The following CCNY variants were observed in gnomAD, a reference collection of about 807,000 sequenced individuals.
The protein encoded by CCNY is cyclin-Y.
CCNY carries 19 observed loss-of-function variants against 42.8 expected under a neutral mutation model. That is an observed-to-expected ratio of 0.44 (90% confidence interval 0.31 to 0.65). The LOEUF is 0.65. Among genes scored for constraint, CCNY ranks in the 30% least tolerant of loss-of-function variants. The probability of loss-of-function intolerance (pLI) is 0.07; values close to 1 mark genes in which losing one functional copy is unlikely to be tolerated. For missense variants in CCNY, 370 were observed against 437.3 expected, an observed-to-expected ratio of 0.85 and a Z score of 1.37; for synonymous variants, 165 against 162.7, an observed-to-expected ratio of 1.01 and a Z score of -0.11.
At chr10:35,540,052 C>T (rs994475499) in intron 7 of CCNY, among the ~76,000 whole-genome samples, 1 of 152,204 alleles carries the variant, frequency 6.6e-6, no homozygotes, top group Non-Finnish European at 1.5e-5. Context: ...TTATGGATGC[C>T]TTTTATTTGG....
At chr10:35,340,672 T>A (rs1836159550) in intron 1 of CCNY, among the ~76,000 whole-genome samples, 1 of 152,006 alleles carries the variant, frequency 6.6e-6, no homozygotes, top group South Asian at 2.1e-4. Context: ...GCCTGGCTAA[T>A]TTTGTATTTT....
chr10:35,263,540 TTAAAA>T (rs546536294), intron 3 of CCNY, among the ~76,000 whole-genome samples: 7 of 149,940 alleles, frequency 4.7e-5, no homozygotes, highest in Non-Finnish European at 1.0e-4. Flanking sequence ...AGACCCTGTC[TTAAAA>T]TAAAATAAAA....
intron 3 of CCNY, among the ~76,000 whole-genome samples, chr10:35,284,277 C>T (rs1173854801): frequency 6.6e-6 from 1 of 152,006 alleles, no homozygotes; most frequent in South Asian, 2.1e-4. Context: ...GGTTATGCTG[C>T]CCAGGTTTGC....
chr10:35,471,558 A>G (rs1293498915), intron 1 of CCNY, among the ~76,000 whole-genome samples: 1 of 152,218 alleles, frequency 6.6e-6, no homozygotes, highest in Non-Finnish European at 1.5e-5. Context: ...GTATAAGAGA[A>G]TACTGCCGAA....
intron 3 of CCNY, among the ~76,000 whole-genome samples, chr10:35,254,689 A>G (rs1833494826): frequency 6.6e-6 from 1 of 151,954 alleles, no homozygotes; most frequent in Admixed American, 6.6e-5. Flanking sequence ...TTAGCCAGAC[A>G]TGGTGGACTG....
At chr10:35,415,977 G>A (rs1838014728) in intron 1 of CCNY, among the ~76,000 whole-genome samples, 1 of 152,202 alleles carries the variant, frequency 6.6e-6, no homozygotes, top group Non-Finnish European at 1.5e-5. Flanking sequence ...TTGGATGTCA[G>A]GAAGAAATTA....
intron 2 of CCNY, chr10:35,248,279 C>A (rs2095709609): frequency 6.6e-6 from 1 of 152,318 alleles, no homozygotes; most frequent in South Asian, 2.1e-4. Flanking sequence ...CCTTTTGTGT[C>A]TAATAAATGC....
chr10:35,536,292 C>T (rs1276758994), intron 7 of CCNY, among the ~76,000 whole-genome samples: 2 of 152,140 alleles, frequency 1.3e-5, no homozygotes. Context: ...CTAAGGCCTC[C>T]CCAGCCATGT....
intron 1 of CCNY, among the ~76,000 whole-genome samples, chr10:35,342,564 C>T (rs1334929133): frequency 6.6e-6 from 1 of 152,202 alleles, no homozygotes; most frequent in Non-Finnish European, 1.5e-5. Flanking sequence ...TTCCACACAC[C>T]CATTTTACAG....
At chr10:35,424,473 G>T (rs905226988) in intron 1 of CCNY, among the ~76,000 whole-genome samples, 28 of 152,198 alleles carry the variant, frequency 1.8e-4, no homozygotes, top group African/African-American at 5.5e-4. Context: ...TGATCTGACC[G>T]CCTCGGCCTC....
chr10:35,443,628 A>G (rs1021003476), intron 1 of CCNY, among the ~76,000 whole-genome samples: 7 of 152,210 alleles, frequency 4.6e-5, no homozygotes, highest in Non-Finnish European at 8.8e-5. Context: ...CTCTCTTAGA[A>G]GCAAAATTTA....
chr10:35,371,212 A>G (rs779759631), intron 1 of CCNY, among the ~76,000 whole-genome samples: 5 of 152,164 alleles, frequency 3.3e-5, no homozygotes, highest in African/African-American at 9.7e-5. Context: ...TACAGAAGCA[A>G]CGTGATACCT....
intron 3 of CCNY, among the ~76,000 whole-genome samples, chr10:35,504,989 A>G (rs1840185197): frequency 6.6e-6 from 1 of 152,080 alleles, no homozygotes; most frequent in Non-Finnish European, 1.5e-5. Flanking sequence ...GGCTGTGTAA[A>G]GGGATTTATG....
chr10:35,509,319 A>C (rs929851260), intron 3 of CCNY, among the ~76,000 whole-genome samples: 19 of 152,180 alleles, frequency 1.2e-4, no homozygotes, highest in Non-Finnish European at 2.2e-4. Flanking sequence ...TCTGTCACCC[A>C]GGCTGGAGTA....
chr10:35,528,364 C>A (rs1840695139), intron 5 of CCNY, among the ~76,000 whole-genome samples: 1 of 152,176 alleles, frequency 6.6e-6, no homozygotes, highest in African/African-American at 2.4e-5. Flanking sequence ...TGTGTTCATG[C>A]AGGCAAATGT....
intron 1 of CCNY, among the ~76,000 whole-genome samples, chr10:35,448,994 G>C (rs1256991217): frequency 6.6e-6 from 1 of 152,002 alleles, no homozygotes; most frequent in East Asian, 1.9e-4. Flanking sequence ...GGTGGAGGAT[G>C]AGTGCAGGCC....
chr10:35,417,690 C>T (rs1482971367), intron 1 of CCNY, among the ~76,000 whole-genome samples: 2 of 152,198 alleles, frequency 1.3e-5, no homozygotes, highest in African/African-American at 4.8e-5. Flanking sequence ...ATCAGACCTG[C>T]ATCTTTTAAT....
chr10:35,364,139 A>G (rs1337423032), intron 1 of CCNY, among the ~76,000 whole-genome samples: 1 of 152,112 alleles, frequency 6.6e-6, no homozygotes, highest in Non-Finnish European at 1.5e-5. Flanking sequence ...ATTAATAGTC[A>G]ACTTACTTGA....
intron 1 of CCNY, among the ~76,000 whole-genome samples, chr10:35,481,933 A>T (rs908334059): frequency 2.0e-5 from 3 of 152,222 alleles, no homozygotes; most frequent in African/African-American, 7.2e-5. Context: ...TTCTCCTTCC[A>T]TCAAACCCCC....
Sources: allele counts gnomAD v4.1 joint callset (sites outside exome capture counted in the v4.1 genomes callset), GRCh38; gene constraint gnomAD v4.1.1; transcripts MANE v1.5; gene names NCBI Gene and HGNC (gene_info 2026-07-23, HGNC 2026-07-21).